The following STK33 variants were observed in gnomAD, a reference collection of about 807,000 sequenced individuals.
STK33 encodes serine/threonine kinase 33.
A neutral mutation model predicts 58.0 loss-of-function variants in STK33; 52 were observed. The observed-to-expected ratio is 0.90, with a 90% CI of 0.72 to 1.13. The LOEUF (loss-of-function observed/expected upper bound fraction) is 1.13. STK33 is among the 50% of genes most tolerant of loss of function. The probability of loss-of-function intolerance (pLI) is 0.00; values close to 1 mark genes in which losing one functional copy is unlikely to be tolerated. For synonymous variants in STK33, 215 were observed against 200.1 expected (o/e 1.07, Z -0.63); for missense variants, 630 against 604.2 (o/e 1.04, Z -0.45).
intron 1 of STK33, among the ~76,000 whole-genome samples, chr11:8,525,655 T>A (rs1052635281): frequency 2.6e-5 from 4 of 152,110 alleles, no homozygotes; most frequent in African/African-American, 9.7e-5. Flanking sequence ...AAGAAAACAC[T>A]AGAAGATGCT....
At chr11:8,429,975 C>G (rs1590987430) in intron 14 of STK33, among the ~76,000 whole-genome samples, 1 of 152,284 alleles carries the variant, frequency 6.6e-6, no homozygotes, top group East Asian at 1.9e-4. Flanking sequence ...CTCTAGCCCA[C>G]AGACCTCATC....
chr11:8,520,608 C>T (rs1175754294), intron 1 of STK33, among the ~76,000 whole-genome samples: 3 of 152,228 alleles, frequency 2.0e-5, no homozygotes, highest in African/African-American at 4.8e-5. Context: ...TCGTCTCGGC[C>T]CAAAATCTCC....
chr11:8,367,010 A>T, the STK33 span, among the ~76,000 whole-genome samples: 132,717 of 152,308 alleles, frequency 0.87, 57,948 homozygotes, highest in Middle Eastern at 0.97. Flanking sequence ...TTCTTGTGTA[A>T]AAAGAATACA....
intron 14 of STK33, among the ~76,000 whole-genome samples, chr11:8,420,989 A>C (rs1027409254): frequency 2.0e-5 from 3 of 151,940 alleles, no homozygotes; most frequent in Non-Finnish European, 2.9e-5. Context: ...TCTGAAAAAA[A>C]AAAAGGGGAG....
At chr11:8,428,319 C>A (rs558611229) in intron 14 of STK33, among the ~76,000 whole-genome samples, 1 of 152,118 alleles carries the variant, frequency 6.6e-6, no homozygotes, top group South Asian at 2.1e-4. Context: ...CACTGGTGTC[C>A]CAAAGCAAAT....
intron 1 of STK33, among the ~76,000 whole-genome samples, chr11:8,555,629 C>A (rs747092749): frequency 1.3e-5 from 2 of 151,818 alleles, no homozygotes; most frequent in Non-Finnish European, 2.9e-5. Context: ...TGAGCCATTG[C>A]ACTCCAGCCT....
In STK33 at chr11:8,573,833, T is replaced by C. The variant is rs191684877; in HGVS notation, c.-466+20250A>G. 1.5e-3 allele frequency among the ~76,000 whole-genome samples: 235 copies of C among 152,344 alleles called. 3 individuals are homozygous for C. The highest frequency in any genetic ancestry group is 2.2e-4 in the Non-Finnish European group (15 of 68,038). On this transcript the variant is annotated intron_variant, in intron 1 of 15. Transcript: ENST00000687296. ...AAGCCAATCTCAAAAGGTTACATAC[T>C]GTATGATTCCATTTATATAACATTC...
Position 8,440,695 on chromosome 11 carries a change from G to A in STK33, c.930C>T (p.Gly310=), listed in dbSNP as rs531828477. Residue 310 remains glycine (G), a synonymous_variant, in exon 12 of 16, where the codon GGC becomes GGT. Coordinates refer to ENST00000687296, the MANE Select transcript of STK33 (RefSeq NM_001352389.2). ...YSQQCDIWSI[G]VVMYMLLRGE... ...CTACTTACAACATGTACATTACGACGCCTATGCTCCAAATGTCACACTGCT... is the reference window on the plus strand; with the variant it reads ...CTACTTACAACATGTACATTACGACACCTATGCTCCAAATGTCACACTGCT... The A allele has an allele frequency of 3.5e-5, 55 of 1,566,936 alleles. No homozygotes were observed. The highest frequency in any genetic ancestry group is 1.1e-4 in the South Asian group (9 of 85,168).
chr11:8,520,703 G>C (rs966031335), intron 1 of STK33, among the ~76,000 whole-genome samples: 1 of 152,012 alleles, frequency 6.6e-6, no homozygotes, highest in Non-Finnish European at 1.5e-5. Flanking sequence ...ACCAATAACA[G>C]ACAAACAGAC....
intron 1 of STK33, among the ~76,000 whole-genome samples, chr11:8,482,251 G>GA (rs1041592599): frequency 6.6e-6 from 1 of 152,194 alleles, no homozygotes; most frequent in African/African-American, 2.4e-5. Context: ...GGAAAGAAGA[G>GA]AAGAGTGCAT....
chr11:8,589,042 T>C (rs191039061), intron 1 of STK33, among the ~76,000 whole-genome samples: 7 of 152,184 alleles, frequency 4.6e-5, no homozygotes, highest in African/African-American at 1.7e-4. Context: ...TATGGAGAAA[T>C]GAGAATGCTC....
chr11:8,533,500 G>C (rs1228456337), intron 1 of STK33: 4 of 152,274 alleles, frequency 2.6e-5, no homozygotes, highest in Non-Finnish European at 4.4e-5. Context: ...GAAGGTCCTA[G>C]AAGAAAGAGG....
intron 1 of STK33, among the ~76,000 whole-genome samples, chr11:8,586,486 C>A (rs1012229945): frequency 6.6e-6 from 1 of 152,098 alleles, no homozygotes; most frequent in Admixed American, 6.6e-5. Context: ...TCCCTTCACA[C>A]CAACCAATGT....
At chr11:8,335,291 G>T in the STK33 span, among the ~76,000 whole-genome samples, 7 of 152,178 alleles carry the variant, frequency 4.6e-5, no homozygotes, top group South Asian at 2.1e-4. Context: ...AACAGGATCG[G>T]ACAGCACATG....
At chr11:8,492,373 G>T (rs1000925966) in intron 1 of STK33, among the ~76,000 whole-genome samples, 2 of 152,096 alleles carry the variant, frequency 1.3e-5, no homozygotes, top group Admixed American at 1.3e-4. Context: ...ATGGTAAAGG[G>T]ATCAATTCAA....
At chr11:8,509,194 G>C (rs1227854087) in intron 1 of STK33, among the ~76,000 whole-genome samples, 3 of 147,624 alleles carry the variant, frequency 2.0e-5, no homozygotes, top group Admixed American at 6.8e-5. Context: ...TCTATATTAA[G>C]TACACTTCTC....
chr11:8,452,357 GA>G (rs1225361800), intron 11 of STK33, among the ~76,000 whole-genome samples: 1 of 152,122 alleles, frequency 6.6e-6, no homozygotes, highest in Non-Finnish European at 1.5e-5. Flanking sequence ...TTAAAGGTAG[GA>G]ACTGTAAGTA....
chr11:8,444,205 T>C (rs1945118041), intron 11 of STK33, among the ~76,000 whole-genome samples: 1 of 152,202 alleles, frequency 6.6e-6, no homozygotes, highest in Non-Finnish European at 1.5e-5. Context: ...GATAAAATTA[T>C]TAGTATTACA....
At chr11:8,489,340 C>T (rs1591442050) in intron 1 of STK33, among the ~76,000 whole-genome samples, 3 of 149,500 alleles carry the variant, frequency 2.0e-5, no homozygotes, top group Non-Finnish European at 3.0e-5. Flanking sequence ...TTATATTACA[C>T]CAAATATAGA....
Sources: gnomAD v4.1 joint callset for allele counts (sites outside exome capture counted in the v4.1 genomes callset) on GRCh38, gnomAD v4.1.1 for gene constraint, MANE v1.5 for transcripts, NCBI Gene and HGNC (gene_info 2026-07-23, HGNC 2026-07-21) for gene names.